Variants in LSAMP observed in about 807,000 individuals in gnomAD.
LSAMP encodes limbic system associated membrane protein.
LSAMP carries 7 observed loss-of-function variants against 38.6 expected under a neutral mutation model. The ratio of observed to expected loss-of-function variants is 0.18; its 90% confidence interval spans 0.10 to 0.34. The LOEUF (loss-of-function observed/expected upper bound fraction) is 0.34, where lower values mean the gene tolerates loss of function less well. Ranked by LOEUF, LSAMP falls within the 10% of genes least tolerant of loss-of-function variation. LSAMP has a pLI of 1.00. For missense variants in LSAMP, 313 were observed against 420.0 expected (o/e 0.75, Z 2.23); for synonymous variants, 154 against 166.8 (o/e 0.92, Z 0.59).
intron 2 of LSAMP, among the ~76,000 whole-genome samples, chr3:116,039,823 A>G (rs1017479236): frequency 6.6e-6 from 1 of 152,178 alleles, no homozygotes; most frequent in African/African-American, 2.4e-5. Context: ...TGGCAGGTGC[A>G]TTTGTTCACT....
chr3:116,370,699 A>G (rs1217644623), intron 1 of LSAMP, among the ~76,000 whole-genome samples: 1 of 152,188 alleles, frequency 6.6e-6, no homozygotes, highest in Non-Finnish European at 1.5e-5. Flanking sequence ...GCAGACAAAG[A>G]GGTGCCATCC....
chr3:116,328,845 A>G (rs1010840332), intron 1 of LSAMP, among the ~76,000 whole-genome samples: 2 of 152,178 alleles, frequency 1.3e-5, no homozygotes, highest in Non-Finnish European at 2.9e-5. Flanking sequence ...GTTTCTATAT[A>G]CTTATAAAAA....
intron 1 of LSAMP, among the ~76,000 whole-genome samples, chr3:116,385,271 A>G (rs1214415565): frequency 6.6e-6 from 1 of 151,380 alleles, no homozygotes; most frequent in African/African-American, 2.4e-5. Context: ...TTCTATATAC[A>G]TCACTCGAGA....
intron 1 of LSAMP, among the ~76,000 whole-genome samples, chr3:116,166,048 C>T (rs1439623335): frequency 2.6e-5 from 4 of 152,264 alleles, no homozygotes; most frequent in Non-Finnish European, 5.9e-5. Flanking sequence ...TGTGGTGGGC[C>T]AGGGAACTTG....
intron 6 of LSAMP, among the ~76,000 whole-genome samples, chr3:115,839,778 A>G (rs1005179973): frequency 1.3e-5 from 2 of 152,222 alleles, no homozygotes; most frequent in Admixed American, 1.3e-4. Flanking sequence ...ACTGCACCAC[A>G]CAATCCTCAA....
At chr3:116,292,082 G>T (rs1342111407) in intron 1 of LSAMP, among the ~76,000 whole-genome samples, 1 of 152,128 alleles carries the variant, frequency 6.6e-6, no homozygotes, top group African/African-American at 2.4e-5. Context: ...CTGACTTTCA[G>T]AGCAGTGAGT....
Position 116,164,760 on chromosome 3 carries a change from A to ATATATATATT in LSAMP, c.156-78205_156-78204insAATATATATA, listed in dbSNP as rs374542146. Among the ~76,000 whole-genome samples the ATATATATATT allele has an allele frequency of 7.3e-3, 669 of 91,486 alleles. 26 individuals carry two copies. The highest frequency in any genetic ancestry group is 0.01 in the Non-Finnish European group (520 of 50,632). 60.0% of individuals were successfully genotyped at this position (91,486 alleles called of 152,430 possible). ...TATATATCCATATATATATATATAT[A>ATATATATATT]TTTTTTTTTTTTTTCAAGTAGCATC... On this transcript the variant is annotated intron_variant, in intron 1 of 6. Coordinates refer to ENST00000490035, the MANE Select transcript of LSAMP (RefSeq NM_002338.5).
chr3:116,346,219 G>A (rs865901923), intron 1 of LSAMP, among the ~76,000 whole-genome samples: 2 of 151,864 alleles, frequency 1.3e-5, no homozygotes, highest in Non-Finnish European at 2.9e-5. Flanking sequence ...ATTGTTATAT[G>A]TTTCTGCTAA....
chr3:116,001,939 G>A (rs1940007221), intron 3 of LSAMP, among the ~76,000 whole-genome samples: 1 of 152,102 alleles, frequency 6.6e-6, no homozygotes, highest in East Asian at 1.9e-4. Context: ...TTCAAATATA[G>A]ACATCTTTGG....
intron 3 of LSAMP, among the ~76,000 whole-genome samples, chr3:115,896,510 C>T (rs1177307246): frequency 1.3e-5 from 2 of 151,984 alleles, no homozygotes; most frequent in African/African-American, 4.8e-5. Context: ...TCAGTAGCTG[C>T]AAGGCAGGTG....
At chr3:115,841,771 G>A in intron 6 of LSAMP, 74 bp downstream of exon 6, 2 of 1,508,960 alleles carry the variant, frequency 1.3e-6, no homozygotes, top group South Asian at 1.3e-5. Flanking sequence ...ATAGCTAAGG[G>A]AATGGTTTTC....
intron 1 of LSAMP, among the ~76,000 whole-genome samples, chr3:116,160,105 T>C (rs145243031): frequency 6.2e-4 from 95 of 152,074 alleles, no homozygotes; most frequent in Non-Finnish European, 1.1e-3. Flanking sequence ...AATGTGATAA[T>C]TGAAAAACTA....
At chr3:116,212,367 T>TG (rs1480678214) in intron 1 of LSAMP, among the ~76,000 whole-genome samples, 1 of 152,186 alleles carries the variant, frequency 6.6e-6, no homozygotes, top group Non-Finnish European at 1.5e-5. Context: ...TCATAGTGTT[T>TG]CCTGATAAAG....
chr3:116,248,922 C>T (rs1289916749), intron 1 of LSAMP, among the ~76,000 whole-genome samples: 3 of 151,924 alleles, frequency 2.0e-5, no homozygotes, highest in East Asian at 1.9e-4. Context: ...CTGAGGCAGG[C>T]GGATCACGAG....
At chr3:115,932,128 G>GT (rs1937590110) in intron 3 of LSAMP, among the ~76,000 whole-genome samples, 1 of 152,104 alleles carries the variant, frequency 6.6e-6, no homozygotes, top group South Asian at 2.1e-4. Context: ...TAACATTAAG[G>GT]TTAGAGTAAG....
chr3:115,986,173 C>A (rs1279556816), intron 3 of LSAMP, among the ~76,000 whole-genome samples: 1 of 152,048 alleles, frequency 6.6e-6, no homozygotes, highest in African/African-American at 2.4e-5. Flanking sequence ...GCCAATGAAA[C>A]CTCTTAGTTG....
intron 1 of LSAMP, among the ~76,000 whole-genome samples, chr3:116,101,341 G>A (rs766098528): frequency 2.6e-5 from 4 of 152,266 alleles, no homozygotes; most frequent in Non-Finnish European, 5.9e-5. Flanking sequence ...TCTAGGTCTA[G>A]AAAAATGATG....
chr3:115,997,582 C>G (rs1036073817), intron 3 of LSAMP, among the ~76,000 whole-genome samples: 1 of 150,108 alleles, frequency 6.7e-6, no homozygotes, highest in South Asian at 2.1e-4. Context: ...AGGTACAGTA[C>G]AGAAGGCATA....
chr3:116,329,224 G>C (rs1312783759), intron 1 of LSAMP, among the ~76,000 whole-genome samples: 1 of 152,136 alleles, frequency 6.6e-6, no homozygotes, highest in African/African-American at 2.4e-5. Context: ...CAACAGCCCA[G>C]TGAATTTTAT....
Sources: gnomAD v4.1 joint callset for allele counts (sites outside exome capture counted in the v4.1 genomes callset) on GRCh38, gnomAD v4.1.1 for gene constraint, MANE v1.5 for transcripts, NCBI Gene and HGNC (gene_info 2026-07-23, HGNC 2026-07-21) for gene names.